AIM2: variants seen among roughly 807,000 people sequenced by gnomAD.
The protein encoded by AIM2 is absent in melanoma 2, also known as interferon-inducible protein AIM2.
A neutral mutation model predicts 27.7 loss-of-function variants in AIM2; 30 were observed. The ratio of observed to expected loss-of-function variants is 1.08; its 90% CI spans 0.81 to 1.47. The LOEUF is 1.47. AIM2 is among the 40% of genes most tolerant of loss of function. The pLI is 0.00. For missense variants in AIM2, 358 were observed against 411.3 expected (o/e 0.87, Z 1.12); for synonymous variants, 141 against 145.3 (o/e 0.97, Z 0.21).
At chr1:159,136,982 G>C (rs1341221474) in intron 1 of AIM2, among the ~76,000 whole-genome samples, 1 of 152,118 alleles carries the variant, frequency 6.6e-6, no homozygotes, top group Non-Finnish European at 1.5e-5. Context: ...TTGGGCCCAG[G>C]AGACCTCTAA....
chr1:159,065,100 C>A (rs1370753852), intron 4 of AIM2, among the ~76,000 whole-genome samples: 1 of 152,150 alleles, frequency 6.6e-6, no homozygotes, highest in Non-Finnish European at 1.5e-5. Context: ...TAACCCAGGG[C>A]AGCAGAGGTT....
chr1:159,104,829 T>C (rs2102021795), intron 1 of AIM2, among the ~76,000 whole-genome samples: 1 of 152,342 alleles, frequency 6.6e-6, no homozygotes, highest in Middle Eastern at 3.4e-3. Flanking sequence ...ACTTTCTAGC[T>C]AGGAGATGTG....
At chr1:159,055,097 C>A in the AIM2 span, 1 of 390,456 alleles carries the variant, frequency 2.6e-6, no homozygotes. Flanking sequence ...GCATATTTTG[C>A]ATCTACAACT....
intron 1 of AIM2, among the ~76,000 whole-genome samples, chr1:159,105,174 G>A (rs1387699284): frequency 2.6e-5 from 4 of 152,240 alleles, no homozygotes; most frequent in Non-Finnish European, 4.4e-5. Context: ...AGGCACTCCA[G>A]CTGCTGCGGC....
intron 1 of AIM2, among the ~76,000 whole-genome samples, chr1:159,117,705 G>A (rs556320852): frequency 7.2e-5 from 11 of 152,050 alleles, no homozygotes; most frequent in Non-Finnish European, 1.6e-4. Context: ...TTGACCTTAC[G>A]AGACTTCTAG....
intron 1 of AIM2, among the ~76,000 whole-genome samples, chr1:159,088,441 A>C (rs1338441799): frequency 6.6e-6 from 1 of 152,142 alleles, no homozygotes; most frequent in Non-Finnish European, 1.5e-5. Flanking sequence ...TCCCCAATTC[A>C]ATATCAAAAC....
At chr1:159,132,841 T>C (rs907353638) in intron 1 of AIM2, among the ~76,000 whole-genome samples, 1 of 152,224 alleles carries the variant, frequency 6.6e-6, no homozygotes, top group African/African-American at 2.4e-5. Context: ...TTCTCTGCTA[T>C]ATTATTATCA....
the AIM2 span, among the ~76,000 whole-genome samples, chr1:159,056,670 C>G: frequency 3.2e-5 from 4 of 123,444 alleles, no homozygotes; most frequent in African/African-American, 1.1e-4. Context: ...AATCCTGAGG[C>G]CTTTTATCAG....
intron 1 of AIM2, among the ~76,000 whole-genome samples, chr1:159,132,753 G>A (rs765455385): frequency 1.3e-5 from 2 of 152,144 alleles, no homozygotes; most frequent in Non-Finnish European, 2.9e-5. Flanking sequence ...ATATATGTAT[G>A]TGAATTGCAT....
At chr1:159,130,791 G>C in intron 1 of AIM2, among the ~76,000 whole-genome samples, 1 of 132,226 alleles carries the variant, frequency 7.6e-6, no homozygotes, top group South Asian at 2.5e-4. Flanking sequence ...ATAAATCTAA[G>C]CCTGGTCACC....
chr1:159,071,298 C>T (rs1471588029), intron 2 of AIM2, among the ~76,000 whole-genome samples: 1 of 152,130 alleles, frequency 6.6e-6, no homozygotes, highest in Admixed American at 6.5e-5. Context: ...CATGCAATGG[C>T]AATGGAGAAG....
At chr1:159,106,790 C>A (rs1375472370) in intron 1 of AIM2, among the ~76,000 whole-genome samples, 1 of 152,254 alleles carries the variant, frequency 6.6e-6, no homozygotes, top group African/African-American at 2.4e-5. Flanking sequence ...TCTGCCACAA[C>A]TAGCCTTATA....
chr1:159,073,432 T>C lies in AIM2; in HGVS notation c.68A>G (p.Asp23Gly). The C allele has an allele frequency of 6.2e-7, 1 of 1,614,160 alleles. No homozygotes were observed. Among genetic ancestry groups the C allele is most frequent in the Non-Finnish European group, 8.5e-7 (1 of 1,180,024 alleles). Residue 23 changes from aspartate (D) to glycine (G), a missense_variant, in exon 2 of 6, where the codon GAT becomes GGT. Coordinates refer to ENST00000368130, the MANE Select transcript of AIM2 (RefSeq NM_004833.3). ...GLDNITDEEL[D>G]RFKFFLSDEF... The stretch of plus-strand genomic sequence containing the variant: ...GTCTGAAAGAAAGAACTTAAACCTA[T>C]CCAGTTCCTCATCAGTGATGTTATC...
intron 1 of AIM2, among the ~76,000 whole-genome samples, chr1:159,146,042 G>A (rs1648196162): frequency 6.6e-6 from 1 of 151,682 alleles, no homozygotes; most frequent in East Asian, 1.9e-4. Context: ...GGAAGTAGAG[G>A]TTGCAGTGAA....
chr1:159,067,978 G>A (rs922948710), intron 3 of AIM2, among the ~76,000 whole-genome samples: 1 of 151,906 alleles, frequency 6.6e-6, no homozygotes, highest in Non-Finnish European at 1.5e-5. Flanking sequence ...TGTATAAAGG[G>A]CTTTTTTACA....
At chr1:159,118,121 C>T (rs1454784751) in intron 1 of AIM2, among the ~76,000 whole-genome samples, 1 of 152,170 alleles carries the variant, frequency 6.6e-6, no homozygotes, top group Admixed American at 6.5e-5. Flanking sequence ...CCAGGCCATA[C>T]TCAAATTTCC....
At chr1:159,056,547 G>A in the AIM2 span, among the ~76,000 whole-genome samples, 1 of 151,754 alleles carries the variant, frequency 6.6e-6, no homozygotes, top group Non-Finnish European at 1.5e-5. Context: ...ATGGGCCATT[G>A]TCCGCCTCTC....
Position 159,073,262 on chromosome 1 carries a change from GT to G in AIM2, c.237del (p.Lys79AsnfsTer17). 1 of 1,614,154 alleles carries G rather than the reference GT, an allele frequency of 6.2e-7. No homozygotes were observed. Among genetic ancestry groups the G allele is most frequent in the Non-Finnish European group, 8.5e-7 (1 of 1,180,020 alleles). On this transcript the variant is annotated frameshift_variant, in exon 2 of 6. Transcript: ENST00000368130. LOFTEE classifies it high-confidence loss of function. ...FQKLNYMLLA[K>X]RLQEEKEKVD... ...CCTTTCTCCTTCTCCTCCTGAAGAC[GT>G]TTTGCCAAAAGCATATAATTCAACT...
chr1:159,140,498 G>C (rs1026273687), exon 1 of AIM2: 1 of 152,278 alleles, frequency 6.6e-6, no homozygotes, highest in South Asian at 2.1e-4. Flanking sequence ...CTTCCTTAGA[G>C]TGCAAGTGCA....
Sources: gnomAD v4.1 joint callset for allele counts (sites outside exome capture counted in the v4.1 genomes callset) on GRCh38, gnomAD v4.1.1 for gene constraint, MANE v1.5 for transcripts, NCBI Gene and HGNC (gene_info 2026-07-23, HGNC 2026-07-21) for gene names.